The following RANBP2 variants were observed in gnomAD, a reference collection of about 807,000 sequenced individuals.
RANBP2 encodes the protein RAN binding protein 2.
A neutral mutation model predicts 303.6 loss-of-function variants in RANBP2; 57 were observed. The ratio of observed to expected loss-of-function variants is 0.19; its 90% CI spans 0.15 to 0.23. The LOEUF (loss-of-function observed/expected upper bound fraction) is 0.23. Among genes scored for constraint, RANBP2 ranks in the 10% least tolerant of loss-of-function variants. RANBP2 has a pLI of 1.00. For missense variants in RANBP2, 3,138 were observed against 3,780.8 expected, an observed-to-expected ratio of 0.83 and a Z score of 4.46; for synonymous variants, 1,167 against 1,301.5, an observed-to-expected ratio of 0.90 and a Z score of 2.23.
At chr2:109,009,957 T>G in the RANBP2 span, among the ~76,000 whole-genome samples, 1 of 152,184 alleles carries the variant, frequency 6.6e-6, no homozygotes, top group Non-Finnish European at 1.5e-5. Context: ...TTTTCAGCAT[T>G]TCCCATGCCA....
At chr2:108,934,469 G>A in the RANBP2 span, among the ~76,000 whole-genome samples, 7 of 152,330 alleles carry the variant, frequency 4.6e-5, no homozygotes, top group Admixed American at 3.3e-4. Flanking sequence ...TGCACACTGA[G>A]CTCCCATATT....
the RANBP2 span, among the ~76,000 whole-genome samples, chr2:108,793,070 A>G: frequency 7.1e-6 from 1 of 141,256 alleles, no homozygotes; most frequent in Admixed American, 7.0e-5. Context: ...TCAAAAAAAA[A>G]AGCAAGGCCG....
chr2:109,118,142 T>G, the RANBP2 span, among the ~76,000 whole-genome samples: 1 of 152,182 alleles, frequency 6.6e-6, no homozygotes, highest in Non-Finnish European at 1.5e-5. Flanking sequence ...GGAAGAGAGA[T>G]AAGCTGTTTC....
At chr2:109,118,744 G>A in the RANBP2 span, among the ~76,000 whole-genome samples, 30 of 152,082 alleles carry the variant, frequency 2.0e-4, no homozygotes, top group Non-Finnish European at 2.4e-4. Context: ...ATGTGGACAA[G>A]GGACCAGATT....
the RANBP2 span, among the ~76,000 whole-genome samples, chr2:109,017,623 T>C: frequency 6.6e-6 from 1 of 152,328 alleles, no homozygotes; most frequent in South Asian, 2.1e-4. Flanking sequence ...TAAATTGCTC[T>C]TTTTTTCCAA....
At chr2:109,421,787 G>A in the RANBP2 span, among the ~76,000 whole-genome samples, 1 of 152,196 alleles carries the variant, frequency 6.6e-6, no homozygotes, top group African/African-American at 2.4e-5. Flanking sequence ...GTGACACAGT[G>A]GCCCTCCATG....
the RANBP2 span, among the ~76,000 whole-genome samples, chr2:108,981,958 G>A: frequency 6.6e-6 from 1 of 152,246 alleles, no homozygotes; most frequent in African/African-American, 2.4e-5. Context: ...CCTACTGTGT[G>A]CAGCCACTGT....
At chr2:109,513,554 C>CTGCA in the RANBP2 span, among the ~76,000 whole-genome samples, 1 of 151,872 alleles carries the variant, frequency 6.6e-6, no homozygotes, top group Non-Finnish European at 1.5e-5. Flanking sequence ...TACACACACA[C>CTGCA]TGCATGCACA....
the RANBP2 span, among the ~76,000 whole-genome samples, chr2:109,699,356 C>G: frequency 6.6e-6 from 1 of 152,140 alleles, no homozygotes; most frequent in African/African-American, 2.4e-5. Flanking sequence ...GGGGGACTGA[C>G]CCCCACCCGC....
chr2:109,454,894 C>A, the RANBP2 span, among the ~76,000 whole-genome samples: 3 of 151,606 alleles, frequency 2.0e-5, no homozygotes, highest in Non-Finnish European at 4.4e-5. Context: ...TTCACTCTCA[C>A]GACTTATGGG....
the RANBP2 span, among the ~76,000 whole-genome samples, chr2:109,619,227 G>A: frequency 2.0e-5 from 3 of 152,150 alleles, no homozygotes; most frequent in African/African-American, 7.2e-5. Context: ...TTCCCACAAC[G>A]TTATCTTTTC....
chr2:109,501,942 G>A, the RANBP2 span: 1 of 408,016 alleles, frequency 2.5e-6, no homozygotes, highest in Non-Finnish European at 4.5e-6. Context: ...AGGAAGAGAG[G>A]CAGGTGCCGG....
downstream of RANBP2, chr2:108,787,889 A>T: frequency 1.5e-6 from 1 of 669,280 alleles, no homozygotes; most frequent in Non-Finnish European, 2.4e-6. Context: ...TGATGATATT[A>T]GTTTTGATCA....
At chr2:109,565,100 A>C in the RANBP2 span, among the ~76,000 whole-genome samples, 1 of 152,192 alleles carries the variant, frequency 6.6e-6, no homozygotes, top group African/African-American at 2.4e-5. Context: ...ACAAATAAAT[A>C]TATTTTATTG....
chr2:108,948,780 G>A, the RANBP2 span, among the ~76,000 whole-genome samples: 1 of 152,174 alleles, frequency 6.6e-6, no homozygotes, highest in Non-Finnish European at 1.5e-5. Context: ...TACAGTTTGA[G>A]ATGAGATTTG....
At chr2:109,075,421 T>A in the RANBP2 span, among the ~76,000 whole-genome samples, 1 of 150,394 alleles carries the variant, frequency 6.6e-6, no homozygotes, top group Non-Finnish European at 1.5e-5. Flanking sequence ...AGACGGGGTT[T>A]CACCATGTTG....
the RANBP2 span, among the ~76,000 whole-genome samples, chr2:109,136,340 G>A: frequency 2.2e-4 from 34 of 152,208 alleles, no homozygotes; most frequent in African/African-American, 8.2e-4. Flanking sequence ...GAGATCTTCA[G>A]ATTTGATGAA....
At chr2:109,585,712 G>A in the RANBP2 span, 1 of 1,571,008 alleles carries the variant, frequency 6.4e-7, no homozygotes, top group South Asian at 1.1e-5. Context: ...AAGAGTAGGT[G>A]GCACGTACCC....
At chr2:109,648,219 C>T in the RANBP2 span, among the ~76,000 whole-genome samples, 1 of 152,146 alleles carries the variant, frequency 6.6e-6, no homozygotes, top group Non-Finnish European at 1.5e-5. Flanking sequence ...GAACACCGAA[C>T]CACTGAACCA....
Sources: allele counts gnomAD v4.1 joint callset (sites outside exome capture counted in the v4.1 genomes callset), GRCh38; gene constraint gnomAD v4.1.1; transcripts MANE v1.5; gene names NCBI Gene and HGNC (gene_info 2026-07-23, HGNC 2026-07-21).